ARHGAP25: variants seen among roughly 807,000 people sequenced by gnomAD.
ARHGAP25 encodes Rho GTPase activating protein 25, also known as rho GTPase-activating protein 25.
ARHGAP25 carries 34 observed loss-of-function variants against 71.0 expected under a neutral mutation model. The ratio of observed to expected loss-of-function variants is 0.48; its 90% CI spans 0.36 to 0.64. The LOEUF is 0.64. ARHGAP25 is among the 30% of genes least tolerant of loss of function. The pLI, the probability that ARHGAP25 is intolerant of heterozygous loss-of-function variation, is 0.00. For missense variants in ARHGAP25, 706 were observed against 805.1 expected, an observed-to-expected ratio of 0.88 and a Z score of 1.49; for synonymous variants, 282 against 296.5, an observed-to-expected ratio of 0.95 and a Z score of 0.50.
At chr2:68,774,809 T>C in intron 1 of ARHGAP25, 1 of 1,101,512 alleles carries the variant, frequency 9.1e-7, no homozygotes, top group Non-Finnish European at 1.1e-6. Context: ...CCCCGAGCCT[T>C]CAGAGTGAGG....
At chr2:68,754,948 A>T (rs1676392913) in intron 1 of ARHGAP25, among the ~76,000 whole-genome samples, 1 of 151,996 alleles carries the variant, frequency 6.6e-6, no homozygotes, top group South Asian at 2.1e-4. Flanking sequence ...CAGATATGTG[A>T]TCTGCAAATA....
At chr2:68,793,041 T>C (rs1679300205) in intron 4 of ARHGAP25, among the ~76,000 whole-genome samples, 1 of 152,244 alleles carries the variant, frequency 6.6e-6, no homozygotes, top group Admixed American at 6.5e-5. Flanking sequence ...TGAGGATTTT[T>C]TTCATATGCA....
At chr2:68,725,803 T>A (rs1215977598) in intron 2 of ARHGAP25, among the ~76,000 whole-genome samples, 2 of 152,098 alleles carry the variant, frequency 1.3e-5, no homozygotes, top group Admixed American at 1.3e-4. Flanking sequence ...ACACAAGACC[T>A]CCTTGGGGTC....
intron 1 of ARHGAP25, among the ~76,000 whole-genome samples, chr2:68,745,434 C>G (rs1032420722): frequency 2.0e-5 from 3 of 152,184 alleles, no homozygotes; most frequent in African/African-American, 7.2e-5. Context: ...ATCAGTCACC[C>G]CATTAGGTCC....
chr2:68,724,030 C>T (rs1158253220), intron 2 of ARHGAP25, among the ~76,000 whole-genome samples: 1 of 151,810 alleles, frequency 6.6e-6, no homozygotes, highest in East Asian at 1.9e-4. Flanking sequence ...TGCCACCACG[C>T]CCAGCTAATT....
At chr2:68,822,983 G>C in intron 10 of ARHGAP25, 111 bp downstream of exon 10, 2 of 1,169,390 alleles carry the variant, frequency 1.7e-6, no homozygotes, top group Non-Finnish European at 1.2e-6. Context: ...ATTTGGGGAA[G>C]ACAGTAATCT....
At chr2:68,785,423 T>C (rs750501861) in intron 3 of ARHGAP25, among the ~76,000 whole-genome samples, 5 of 152,184 alleles carry the variant, frequency 3.3e-5, no homozygotes, top group Non-Finnish European at 5.9e-5. Flanking sequence ...AGGGAGGGCT[T>C]CATTTGCTAA....
At chr2:68,731,857 C>T (rs1332675158), upstream of ARHGAP25, among the ~76,000 whole-genome samples, 1 of 152,138 alleles carries the variant, frequency 6.6e-6, no homozygotes, top group Non-Finnish European at 1.5e-5. Flanking sequence ...AGCTCTCTCA[C>T]ACTGTATTTA....
intron 2 of ARHGAP25, among the ~76,000 whole-genome samples, chr2:68,717,695 A>G (rs951629804): frequency 3.3e-5 from 5 of 152,214 alleles, no homozygotes; most frequent in African/African-American, 1.2e-4. Flanking sequence ...TTTTCTTTGT[A>G]TAAACACTAT....
intron 7 of ARHGAP25, chr2:68,816,676 C>T (rs563002229): frequency 7.4e-5 from 18 of 244,650 alleles, no homozygotes; most frequent in South Asian, 1.7e-4. Context: ...GATTCTGAGC[C>T]GTAGCTTAGC....
At chr2:68,731,757 C>T (rs1675025796), upstream of ARHGAP25, among the ~76,000 whole-genome samples, 2 of 152,106 alleles carry the variant, frequency 1.3e-5, no homozygotes, top group South Asian at 4.1e-4. Context: ...TTAAAAGACA[C>T]TTCTTCCAGG....
chr2:68,812,017 C>T lies in ARHGAP25; in HGVS notation c.675-1270C>T, dbSNP rs537454895. On this transcript the variant is annotated intron_variant, in intron 5 of 10. Transcript: ENST00000409202. ...CAGCTTCAGGAATATGGTAGTGAAT[C>T]TTATTTTCCCTTGTAGTGTTGCAGA... Among the ~76,000 whole-genome samples, 51 of 152,284 alleles carry T rather than the reference C, an allele frequency of 3.3e-4. 1 individual carries two copies. The highest frequency in any genetic ancestry group is 1.1e-3 in the African/African-American group (46 of 41,554).
At chr2:68,722,957 G>A (rs7602827) in intron 2 of ARHGAP25, among the ~76,000 whole-genome samples, 38,865 of 152,128 alleles carry the variant, frequency 0.26, 5,412 homozygotes, top group East Asian at 0.47. Flanking sequence ...CTGGAAACAC[G>A]TGGGCCTGTG....
At position 68,735,135 on chromosome 2, in the gene ARHGAP25, C is replaced by A; in HGVS notation, c.-65C>A. 2 of 1,356,534 alleles carry A rather than the reference C, an allele frequency of 1.5e-6. No individual in the cohort carries two copies. Among genetic ancestry groups the A allele is most frequent in the South Asian group, 2.3e-5 (2 of 85,802 alleles). 84.0% of individuals were successfully genotyped at this position (1,356,534 alleles called of 1,614,324 possible). On this transcript the variant is annotated 5_prime_UTR_variant, in exon 1 of 11. Coordinates refer to ENST00000409202, the MANE Select transcript of ARHGAP25 (RefSeq NM_001007231.3). ...AAAACAGAGGGAAAGAGTGAAAAGA[C>A]AAGAAGGGCGCAAACTGTGACAGAC... is the stretch of plus-strand genomic sequence containing the variant.
intron 10 of ARHGAP25, 106 bp downstream of exon 10, chr2:68,822,978 G>A: frequency 8.2e-7 from 1 of 1,218,666 alleles, no homozygotes; most frequent in Non-Finnish European, 1.1e-6. Flanking sequence ...CTTCAATTTG[G>A]GGAAGACAGT....
At chr2:68,811,426 G>C (rs61148023) in intron 5 of ARHGAP25, among the ~76,000 whole-genome samples, 1 of 152,116 alleles carries the variant, frequency 6.6e-6, no homozygotes, top group Non-Finnish European at 1.5e-5. Flanking sequence ...CCACTTTCTC[G>C]GGAACTTCTC....
chr2:68,781,882 C>T (rs1423636557), intron 2 of ARHGAP25, among the ~76,000 whole-genome samples: 1 of 152,168 alleles, frequency 6.6e-6, no homozygotes, highest in Non-Finnish European at 1.5e-5. Flanking sequence ...GTATGGTCTC[C>T]ACAGCCTCAG....
At chr2:68,736,403 CCTAA>C (rs1238140678) in intron 1 of ARHGAP25, among the ~76,000 whole-genome samples, 2 of 152,150 alleles carry the variant, frequency 1.3e-5, no homozygotes, top group East Asian at 1.9e-4. Context: ...AGATTTTCCT[CCTAA>C]CTATCATTGA....
intron 1 of ARHGAP25, chr2:68,735,522 C>T (rs1481957510): frequency 2.7e-5 from 15 of 561,352 alleles, no homozygotes; most frequent in Non-Finnish European, 4.7e-5. Context: ...TTTAAGGCTA[C>T]AGACTACACA....
Sources: gnomAD v4.1 joint callset for allele counts (sites outside exome capture counted in the v4.1 genomes callset) on GRCh38, gnomAD v4.1.1 for gene constraint, MANE v1.5 for transcripts, NCBI Gene and HGNC (gene_info 2026-07-23, HGNC 2026-07-21) for gene names.